The following LINGO2 variants were observed in gnomAD, a reference collection of about 807,000 sequenced individuals.
LINGO2 encodes the protein leucine-rich repeat and immunoglobulin-like domain-containing nogo receptor-interacting protein 2.
LINGO2 carries 14 observed loss-of-function variants against 30.6 expected under a neutral mutation model. That is an observed-to-expected ratio of 0.46 (90% CI 0.30 to 0.72). The LOEUF is 0.72. Among genes scored for constraint, LINGO2 ranks in the 30% least tolerant of loss-of-function variants. The pLI is 0.07. For synonymous variants in LINGO2, 317 were observed against 288.5 expected (o/e 1.10, Z -1.00); for missense variants, 729 against 751.7 (o/e 0.97, Z 0.35).
chr9:28,988,899 T>C, the LINGO2 span, among the ~76,000 whole-genome samples: 1 of 152,196 alleles, frequency 6.6e-6, no homozygotes, highest in South Asian at 2.1e-4. Flanking sequence ...TTTCTAAGTA[T>C]TGGGATTTTC....
chr9:28,603,026 A>G (rs1369328864), intron 1 of LINGO2, among the ~76,000 whole-genome samples: 4 of 152,232 alleles, frequency 2.6e-5, no homozygotes, highest in African/African-American at 9.6e-5. Flanking sequence ...AAGATGTCCA[A>G]TAGAAAACAA....
the LINGO2 span, among the ~76,000 whole-genome samples, chr9:28,779,021 T>C: frequency 6.6e-6 from 1 of 152,160 alleles, no homozygotes; most frequent in Non-Finnish European, 1.5e-5. Context: ...ATATCTATTC[T>C]CAGAGCACTA....
intron 1 of LINGO2, among the ~76,000 whole-genome samples, chr9:28,593,641 G>A (rs190499313): frequency 1.3e-5 from 2 of 152,000 alleles, no homozygotes; most frequent in African/African-American, 4.8e-5. Context: ...AAGCCCCAAA[G>A]AAAATGTATG....
chr9:28,386,347 T>C (rs999293545), intron 2 of LINGO2, among the ~76,000 whole-genome samples: 1 of 152,136 alleles, frequency 6.6e-6, no homozygotes, highest in Non-Finnish European at 1.5e-5. Context: ...ACCCCTGTCT[T>C]TGTGTGGGGG....
chr9:28,054,833 C>A (rs1435826554), intron 4 of LINGO2, among the ~76,000 whole-genome samples: 1 of 152,056 alleles, frequency 6.6e-6, no homozygotes, highest in East Asian at 1.9e-4. Context: ...TATACTAAAT[C>A]TAAGCCTTAG....
intron 4 of LINGO2, among the ~76,000 whole-genome samples, chr9:28,062,675 A>AAT (rs1334962135): frequency 3.4e-5 from 5 of 147,970 alleles, no homozygotes; most frequent in African/African-American, 1.2e-4. Context: ...TACAAAATCA[A>AAT]ATATATATAT....
chr9:29,010,174 G>C, the LINGO2 span, among the ~76,000 whole-genome samples: 3,453 of 152,248 alleles, frequency 0.023, 124 homozygotes, highest in African/African-American at 0.078. Flanking sequence ...AGCCAAAATA[G>C]ACAAACGGGA....
At chr9:28,790,307 C>T in the LINGO2 span, among the ~76,000 whole-genome samples, 4 of 146,936 alleles carry the variant, frequency 2.7e-5, no homozygotes, top group African/African-American at 7.8e-5. Flanking sequence ...TTTACTTTAC[C>T]CATCTTTTCT....
intron 4 of LINGO2, among the ~76,000 whole-genome samples, chr9:28,218,483 A>C (rs535581861): frequency 1.2e-4 from 19 of 152,024 alleles, no homozygotes; most frequent in Non-Finnish European, 2.6e-4. Flanking sequence ...TGAAGTGGAA[A>C]AGTCACATGT....
chr9:28,683,983 T>C, the LINGO2 span, among the ~76,000 whole-genome samples: 1 of 152,120 alleles, frequency 6.6e-6, no homozygotes, highest in Admixed American at 6.5e-5. Flanking sequence ...AAGCTTTTGG[T>C]TTCCTGCTTT....
At chr9:28,602,452 T>G (rs1210055392) in intron 1 of LINGO2, among the ~76,000 whole-genome samples, 1 of 152,156 alleles carries the variant, frequency 6.6e-6, no homozygotes, top group Non-Finnish European at 1.5e-5. Flanking sequence ...TTTCAGATAC[T>G]AAATGATATG....
At chr9:29,012,002 C>A in the LINGO2 span, among the ~76,000 whole-genome samples, 1 of 152,086 alleles carries the variant, frequency 6.6e-6, no homozygotes. Flanking sequence ...TTTATCAGTG[C>A]TATGTTTCAG....
chr9:29,171,872 C>T, the LINGO2 span, among the ~76,000 whole-genome samples: 1 of 151,758 alleles, frequency 6.6e-6, no homozygotes, highest in Non-Finnish European at 1.5e-5. Flanking sequence ...AAAATTCAGA[C>T]AATGTCATAC....
chr9:28,772,041 C>G, the LINGO2 span, among the ~76,000 whole-genome samples: 4 of 152,114 alleles, frequency 2.6e-5, no homozygotes, highest in Non-Finnish European at 5.9e-5. Flanking sequence ...TCTGAAGACA[C>G]GTTCAACAAT....
At chr9:28,557,534 T>TTTA (rs1036781890) in intron 1 of LINGO2, among the ~76,000 whole-genome samples, 8 of 151,918 alleles carry the variant, frequency 5.3e-5, no homozygotes, top group African/African-American at 1.7e-4. Flanking sequence ...TAGGAACACT[T>TTTA]TTACACTGTT....
At chr9:28,396,795 G>A (rs1258569164) in intron 2 of LINGO2, among the ~76,000 whole-genome samples, 1 of 151,084 alleles carries the variant, frequency 6.6e-6, no homozygotes, top group African/African-American at 2.4e-5. Context: ...ATCAACAAGT[G>A]CTCTGAGAGA....
the LINGO2 span, among the ~76,000 whole-genome samples, chr9:28,962,507 A>C: frequency 1.2e-3 from 188 of 152,068 alleles, 1 homozygote; most frequent in Non-Finnish European, 2.5e-3. Flanking sequence ...TCACACCACA[A>C]ATAGTCATTC....
At chr9:28,296,110 T>G (rs1164808375) in intron 3 of LINGO2, among the ~76,000 whole-genome samples, 1 of 152,228 alleles carries the variant, frequency 6.6e-6, no homozygotes, top group Non-Finnish European at 1.5e-5. Flanking sequence ...ATTTAATGAT[T>G]CAGTTGTTTA....
the LINGO2 span, among the ~76,000 whole-genome samples, chr9:28,775,603 G>A: frequency 1.3e-5 from 2 of 152,082 alleles, no homozygotes; most frequent in Non-Finnish European, 2.9e-5. Context: ...GGACTATGGG[G>A]CCTTAAATAT....
Sources: gnomAD v4.1 joint callset for allele counts (sites outside exome capture counted in the v4.1 genomes callset) on GRCh38, gnomAD v4.1.1 for gene constraint, MANE v1.5 for transcripts, NCBI Gene and HGNC (gene_info 2026-07-23, HGNC 2026-07-21) for gene names.